Variants in GPHN observed in about 807,000 individuals in gnomAD.
GPHN encodes the protein gephyrin.
A neutral mutation model predicts 95.5 loss-of-function variants in GPHN; 17 were observed. The observed-to-expected ratio is 0.18, with a 90% CI of 0.12 to 0.27. The LOEUF (loss-of-function observed/expected upper bound fraction) is 0.27. GPHN is among the 10% of genes least tolerant of loss of function. The pLI, the probability that GPHN is intolerant of heterozygous loss-of-function variation, is 1.00. For missense variants in GPHN, 660 were observed against 978.1 expected (o/e 0.67, Z 4.34); for synonymous variants, 320 against 322.5 (o/e 0.99, Z 0.08).
chr14:67,300,886 C>T, the GPHN span, among the ~76,000 whole-genome samples: 1 of 151,144 alleles, frequency 6.6e-6, no homozygotes, highest in Non-Finnish European at 1.5e-5. Context: ...GAGACAGGGT[C>T]TCACTGTGTT....
chr14:67,366,735 A>G, the GPHN span, among the ~76,000 whole-genome samples: 6 of 152,154 alleles, frequency 3.9e-5, no homozygotes, highest in Non-Finnish European at 7.3e-5. Context: ...CGTAAATGCC[A>G]TAAACCCTGA....
chr14:67,086,970 G>A (rs960711706), intron 11 of GPHN, among the ~76,000 whole-genome samples: 2 of 149,920 alleles, frequency 1.3e-5, no homozygotes, highest in Admixed American at 1.3e-4. Flanking sequence ...CCCAGAAGGC[G>A]GAGCTTGCAG....
At chr14:67,135,295 T>G (rs2080007647) in intron 17 of GPHN, among the ~76,000 whole-genome samples, 1 of 152,160 alleles carries the variant, frequency 6.6e-6, no homozygotes. Flanking sequence ...GGACTGTGTG[T>G]GTGTGTTTCA....
the GPHN span, among the ~76,000 whole-genome samples, chr14:67,612,347 A>G: frequency 6.6e-6 from 1 of 152,232 alleles, no homozygotes; most frequent in African/African-American, 2.4e-5. Context: ...GCCCAAGATC[A>G]TAAACATGCA....
At chr14:66,984,650 T>A (rs1341911583) in intron 9 of GPHN, among the ~76,000 whole-genome samples, 1 of 152,142 alleles carries the variant, frequency 6.6e-6, no homozygotes, top group Non-Finnish European at 1.5e-5. Context: ...TTATAGGATG[T>A]TCAGGTTTCT....
At chr14:66,872,292 C>T (rs2063472948) in intron 4 of GPHN, among the ~76,000 whole-genome samples, 1 of 152,012 alleles carries the variant, frequency 6.6e-6, no homozygotes, top group South Asian at 2.1e-4. Flanking sequence ...TCATAATTTA[C>T]TTTTTGTTTG....
intron 1 of GPHN, among the ~76,000 whole-genome samples, chr14:66,642,279 T>G (rs1285784681): frequency 1.3e-5 from 2 of 152,048 alleles, no homozygotes; most frequent in Admixed American, 6.6e-5. Flanking sequence ...AGCAGAGAAG[T>G]TTTTCCAGCT....
chr14:67,328,536 T>A, the GPHN span, among the ~76,000 whole-genome samples: 3 of 152,198 alleles, frequency 2.0e-5, no homozygotes, highest in Non-Finnish European at 4.4e-5. Flanking sequence ...GGTGTTTTAG[T>A]CATGAAGTCC....
intron 3 of GPHN, among the ~76,000 whole-genome samples, chr14:66,792,187 TC>T (rs1453925949): frequency 6.6e-6 from 1 of 152,108 alleles, no homozygotes; most frequent in East Asian, 1.9e-4. Context: ...ATGTCGTAAC[TC>T]CTGGGAATGC....
chr14:67,604,508 A>T, the GPHN span, among the ~76,000 whole-genome samples: 1 of 151,494 alleles, frequency 6.6e-6, no homozygotes, highest in South Asian at 2.1e-4. Flanking sequence ...CATGCTGGGC[A>T]ACATAGCGAG....
intron 19 of GPHN, among the ~76,000 whole-genome samples, chr14:67,160,798 C>T (rs2081933265): frequency 6.6e-6 from 1 of 152,176 alleles, no homozygotes; most frequent in Non-Finnish European, 1.5e-5. Context: ...AGCTAGCCCT[C>T]CTAATAAGTA....
chr14:67,459,333 C>T, the GPHN span, among the ~76,000 whole-genome samples: 6 of 152,270 alleles, frequency 3.9e-5, no homozygotes, highest in Middle Eastern at 3.4e-3. Flanking sequence ...TGCACCTGGC[C>T]TATATTATTG....
At chr14:67,285,389 C>G in the GPHN span, among the ~76,000 whole-genome samples, 2 of 128,470 alleles carry the variant, frequency 1.6e-5, no homozygotes, top group Non-Finnish European at 3.1e-5. Context: ...TTTTTTGAGA[C>G]GGAGTCTCGC....
chr14:67,659,705 AAAC>A, the GPHN span: 3 of 1,569,318 alleles, frequency 1.9e-6, no homozygotes, highest in Non-Finnish European at 1.7e-6. Context: ...AGGAAAAAAA[AAAC>A]AAACAAAACA....
At chr14:67,595,815 C>A in the GPHN span, among the ~76,000 whole-genome samples, 1 of 152,152 alleles carries the variant, frequency 6.6e-6, no homozygotes, top group Admixed American at 6.6e-5. Context: ...ACAAGTAGGG[C>A]ACACTAAGGG....
chr14:66,534,106 G>A (rs1423639323), intron 1 of GPHN, among the ~76,000 whole-genome samples: 1 of 152,084 alleles, frequency 6.6e-6, no homozygotes, highest in Non-Finnish European at 1.5e-5. Flanking sequence ...CATATGAATT[G>A]CTTGCTGTAG....
chr14:67,181,920 A>G (rs2140218680), downstream of GPHN: 1 of 161,882 alleles, frequency 6.2e-6, no homozygotes, highest in East Asian at 1.5e-4. Context: ...AAAATATGGT[A>G]TATTGTAACT....
At chr14:67,303,110 A>G in the GPHN span, among the ~76,000 whole-genome samples, 3 of 152,246 alleles carry the variant, frequency 2.0e-5, no homozygotes, top group African/African-American at 7.2e-5. Context: ...AGCAGTATGT[A>G]GCTAATGGCT....
chr14:66,865,275 T>G (rs1233826821), intron 4 of GPHN, among the ~76,000 whole-genome samples: 1 of 152,040 alleles, frequency 6.6e-6, no homozygotes, highest in Non-Finnish European at 1.5e-5. Context: ...AAAGGATAAA[T>G]GCTTGAGGGG....
Sources: gnomAD v4.1 joint callset for allele counts (sites outside exome capture counted in the v4.1 genomes callset) on GRCh38, gnomAD v4.1.1 for gene constraint, MANE v1.5 for transcripts, NCBI Gene and HGNC (gene_info 2026-07-23, HGNC 2026-07-21) for gene names.